KLF8: variants seen among roughly 807,000 people sequenced by gnomAD.
KLF8 encodes Krueppel-like factor 8.
KLF8 carries 10 observed loss-of-function variants against 18.2 expected under a neutral mutation model. That is an observed-to-expected ratio of 0.55 (90% CI 0.34 to 0.93). The LOEUF (loss-of-function observed/expected upper bound fraction) is 0.93, where lower values mean the gene tolerates loss of function less well. KLF8 is among the 40% of genes least tolerant of loss of function. The pLI is 0.02. For synonymous variants in KLF8, 109 were observed against 97.3 expected (o/e 1.12, Z -0.71); for missense variants, 264 against 277.9 (o/e 0.95, Z 0.36).
At chrX:56,114,326 C>A in the KLF8 span, among the ~76,000 whole-genome samples, 2 of 112,742 alleles carry the variant, frequency 1.8e-5, no homozygotes, top group Admixed American at 9.3e-5. Context: ...GCAATGTTAG[C>A]GGCCGCCAAG....
chrX:56,089,350 T>C, the KLF8 span, among the ~76,000 whole-genome samples: 2 of 112,103 alleles, frequency 1.8e-5, no homozygotes, highest in Non-Finnish European at 3.8e-5. Flanking sequence ...GTGCCTACAA[T>C]AGCGGTGGTA....
chrX:56,044,200 G>C, the KLF8 span, among the ~76,000 whole-genome samples: 10 of 89,006 alleles, frequency 1.1e-4, no homozygotes, highest in East Asian at 3.4e-3. Flanking sequence ...CATCCCAGCG[G>C]GGTACTGACC....
the KLF8 span, among the ~76,000 whole-genome samples, chrX:56,080,340 C>A: frequency 9.0e-6 from 1 of 110,648 alleles, no homozygotes; most frequent in African/African-American, 3.3e-5. Flanking sequence ...GCAAGGCAGA[C>A]CTGGTGGTGA....
the KLF8 span, among the ~76,000 whole-genome samples, chrX:56,106,774 C>A: frequency 8.9e-6 from 1 of 112,129 alleles, no homozygotes; most frequent in Non-Finnish European, 1.9e-5. Flanking sequence ...GAGCTGCAAT[C>A]CTTTGGAGGA....
chrX:55,971,986 A>G, the KLF8 span, among the ~76,000 whole-genome samples: 1 of 111,041 alleles, frequency 9.0e-6, no homozygotes, highest in Admixed American at 9.6e-5. Flanking sequence ...ACCATTATGG[A>G]GAACCATTTG....
At chrX:56,105,926 C>G in the KLF8 span, among the ~76,000 whole-genome samples, 1 of 111,470 alleles carries the variant, frequency 9.0e-6, no homozygotes. Flanking sequence ...GTGACAAAAT[C>G]TCTCAGCATT....
the KLF8 span, among the ~76,000 whole-genome samples, chrX:56,057,643 G>T: frequency 9.0e-6 from 1 of 111,375 alleles, no homozygotes; most frequent in African/African-American, 3.3e-5. Context: ...GACTAGGCTG[G>T]GGCCAACTGG....
chrX:56,134,299 G>A, the KLF8 span, among the ~76,000 whole-genome samples: 1 of 111,845 alleles, frequency 8.9e-6, no homozygotes, highest in African/African-American at 3.3e-5. Flanking sequence ...AAACAGAATG[G>A]TACTGGTATA....
At chrX:56,186,516 C>T in the KLF8 span, among the ~76,000 whole-genome samples, 1 of 110,964 alleles carries the variant, frequency 9.0e-6, no homozygotes, top group African/African-American at 3.3e-5. Flanking sequence ...CAGCTCTGCA[C>T]CAAGCGGACC....
At chrX:55,967,627 CAGAA>C in the KLF8 span, among the ~76,000 whole-genome samples, 1 of 111,518 alleles carries the variant, frequency 9.0e-6, no homozygotes, top group Non-Finnish European at 1.9e-5. Context: ...ATTCTGCTAT[CAGAA>C]AGGAAAGGAC....
the KLF8 span, among the ~76,000 whole-genome samples, chrX:56,211,011 G>A: frequency 2.7e-5 from 3 of 110,734 alleles, no homozygotes; most frequent in East Asian, 2.8e-4. Flanking sequence ...CTGAAAGGTC[G>A]CATATCTCTG....
the KLF8 span, among the ~76,000 whole-genome samples, chrX:55,990,770 G>C: frequency 2.5e-4 from 28 of 112,315 alleles, no homozygotes; most frequent in African/African-American, 9.1e-4. Flanking sequence ...GTCCACTCCA[G>C]ACCCTCTTTG....
chrX:56,005,949 G>A, the KLF8 span, among the ~76,000 whole-genome samples: 2 of 112,515 alleles, frequency 1.8e-5, no homozygotes, highest in South Asian at 7.3e-4. Flanking sequence ...GGGCATCCGA[G>A]GCTGCACTGC....
the KLF8 span, among the ~76,000 whole-genome samples, chrX:56,114,222 G>A: frequency 8.7e-4 from 97 of 111,986 alleles, no homozygotes; most frequent in African/African-American, 2.9e-3. Context: ...ACCCACAGGG[G>A]ATAAAGGCCT....
intron 1 of KLF8, among the ~76,000 whole-genome samples, chrX:56,238,930 C>T (rs1198647551): frequency 5.4e-5 from 6 of 112,092 alleles, no homozygotes; most frequent in Admixed American, 4.7e-4. Context: ...GTTAGGTAAA[C>T]TATCAGTTTA....
the KLF8 span, among the ~76,000 whole-genome samples, chrX:55,963,806 A>G: frequency 8.9e-6 from 1 of 112,192 alleles, no homozygotes; most frequent in African/African-American, 3.2e-5. Context: ...CCACCCAATA[A>G]CAGAGTATAT....
the KLF8 span, among the ~76,000 whole-genome samples, chrX:56,103,502 G>A: frequency 9.0e-6 from 1 of 111,072 alleles, no homozygotes; most frequent in Admixed American, 9.6e-5. Context: ...TCATGATTTG[G>A]CTCTCTATTT....
At chrX:56,060,164 G>T in the KLF8 span, among the ~76,000 whole-genome samples, 3 of 111,497 alleles carry the variant, frequency 2.7e-5, no homozygotes, top group African/African-American at 9.8e-5. Context: ...TTTCCTATTT[G>T]AATACCTCTT....
chrX:56,162,596 C>A, the KLF8 span, among the ~76,000 whole-genome samples: 1 of 111,879 alleles, frequency 8.9e-6, no homozygotes, highest in Admixed American at 9.5e-5. Flanking sequence ...TCCTGGTGTG[C>A]CATTTGCTAA....
Sources: allele counts gnomAD v4.1 joint callset (sites outside exome capture counted in the v4.1 genomes callset), GRCh38; gene constraint gnomAD v4.1.1; transcripts MANE v1.5; gene names NCBI Gene and HGNC (gene_info 2026-07-23, HGNC 2026-07-21).